Variants in ZNF43 observed in about 807,000 individuals in gnomAD.
ZNF43 encodes zinc finger protein 43.
Under a neutral mutation model 68.4 loss-of-function variants are expected in ZNF43, and 44 were observed. That is an observed-to-expected ratio of 0.64 (90% CI 0.51 to 0.83). The LOEUF (loss-of-function observed/expected upper bound fraction) is 0.83. ZNF43 is among the 40% of genes least tolerant of loss of function. The pLI is 0.00. For missense variants in ZNF43, 896 were observed against 933.2 expected (o/e 0.96, Z 0.52); for synonymous variants, 308 against 307.8 (o/e 1.00, Z -0.01).
chr19:21,835,921 G>A (rs2038700640), intron 1 of ZNF43, 115 bp downstream of exon 1: 3 of 1,562,942 alleles, frequency 1.9e-6, no homozygotes, highest in South Asian at 1.1e-5. Context: ...GAAGGGGATT[G>A]AGGCCGAGCT....
chr19:21,813,768 CTTT>C (rs1555718859), intron 3 of ZNF43, among the ~76,000 whole-genome samples: 2 of 148,736 alleles, frequency 1.3e-5, no homozygotes, highest in Admixed American at 1.4e-4. Context: ...GTGAAAAGTA[CTTT>C]TTTTTTTTTA....
At chr19:21,824,814 C>T (rs1392821627) in intron 1 of ZNF43, among the ~76,000 whole-genome samples, 1 of 151,218 alleles carries the variant, frequency 6.6e-6, no homozygotes, top group East Asian at 1.9e-4. Context: ...TTATTTGGGC[C>T]AAGCTTGAGG....
upstream of ZNF43, among the ~76,000 whole-genome samples, chr19:21,836,362 G>A (rs753176581): frequency 5.3e-5 from 8 of 152,338 alleles, no homozygotes; most frequent in Non-Finnish European, 1.0e-4. Context: ...CTAGGCTGCC[G>A]CCTTTTCAGG....
intron 1 of ZNF43, among the ~76,000 whole-genome samples, chr19:21,824,115 G>A (rs1460647444): frequency 1.3e-5 from 2 of 152,122 alleles, no homozygotes; most frequent in Non-Finnish European, 2.9e-5. Flanking sequence ...GAACCCGGGA[G>A]GCGGAGCTTG....
chr19:21,840,664 GTTGTCAA>G (rs1220128881), upstream of ZNF43: 4 of 152,204 alleles, frequency 2.6e-5, no homozygotes, highest in African/African-American at 9.6e-5. Context: ...CATGTGGAAA[GTTGTCAA>G]TTTTCACTGT....
chr19:21,838,511 T>C (rs905454660), upstream of ZNF43, among the ~76,000 whole-genome samples: 1 of 151,812 alleles, frequency 6.6e-6, no homozygotes, highest in African/African-American at 2.4e-5. Context: ...GCAATTCCCC[T>C]GCCTCAGCCT....
At chr19:21,851,997 CG>C in exon 1 of ZNF43, 10 of 1,504,898 alleles carry the variant, frequency 6.6e-6, no homozygotes, top group Non-Finnish European at 7.1e-6. Context: ...ACAAAGTCAC[CG>C]GGGATTCCCG....
At chr19:21,851,884 T>G in intron 1 of ZNF43, 1 of 1,568,088 alleles carries the variant, frequency 6.4e-7, no homozygotes, top group South Asian at 1.2e-5. Context: ...CCTCTCGGGA[T>G]GCCTAACCCC....
At chr19:21,829,900 C>G (rs1164318735) in intron 1 of ZNF43, among the ~76,000 whole-genome samples, 1 of 152,016 alleles carries the variant, frequency 6.6e-6, no homozygotes, top group African/African-American at 2.4e-5. Flanking sequence ...TCTAAGCTAA[C>G]AGAGGACAAG....
intron 3 of ZNF43, 120 bp from the exon 4 acceptor site, chr19:21,809,927 G>A: frequency 1.1e-6 from 1 of 930,104 alleles, no homozygotes; most frequent in Non-Finnish European, 1.5e-6. Flanking sequence ...AATACCACAG[G>A]CCCTAATTTA....
intron 1 of ZNF43, among the ~76,000 whole-genome samples, chr19:21,832,486 GGA>G: frequency 6.6e-6 from 1 of 152,104 alleles, no homozygotes; most frequent in Non-Finnish European, 1.5e-5. Context: ...ATTTCATGAT[GGA>G]GATACCAAAA....
chr19:21,814,513 G>A (rs1398376969), intron 3 of ZNF43, among the ~76,000 whole-genome samples: 2 of 151,472 alleles, frequency 1.3e-5, no homozygotes, highest in African/African-American at 2.4e-5. Flanking sequence ...GGGTTTGAGC[G>A]ATTCTCCTGC....
In ZNF43 at chr19:21,809,776, C is replaced by G. The variant is rs138529640; in HGVS notation, c.261G>C (p.Trp87Cys). ...VMCSHFTQDF[W>C]PEQHIKDPFQ... Reference sequence around the variant, plus strand: ...AAGGATCTTTTATATGCTGCTCTGGCCAAAAGTCTTGGGTAAAATGAGAAC... The same window carrying G: ...AAGGATCTTTTATATGCTGCTCTGGGCAAAAGTCTTGGGTAAAATGAGAAC... The change falls in exon 4 of 4, where the codon TGG becomes TGC. Residue 87 changes from tryptophan (W) to cysteine (C), a missense_variant. Transcript: ENST00000354959. 1.2e-4 allele frequency: 189 copies of G among 1,573,550 alleles called. No individual in the cohort carries two copies. The highest frequency in any genetic ancestry group is 1.2e-3 in the Middle Eastern group (7 of 5,828).
intron 3 of ZNF43, among the ~76,000 whole-genome samples, chr19:21,816,606 G>A (rs1021630515): frequency 1.3e-5 from 2 of 152,076 alleles, no homozygotes; most frequent in Admixed American, 6.6e-5. Flanking sequence ...GGAAGATACT[G>A]GTTTATAGTG....
chr19:21,841,365 A>AT (rs1448685733), intron 1 of ZNF43: 2 of 152,214 alleles, frequency 1.3e-5, no homozygotes, highest in Non-Finnish European at 2.9e-5. Flanking sequence ...GGAGAGTCAT[A>AT]TTACCTGGTT....
At chr19:21,837,210 A>C (rs1196595877), upstream of ZNF43, among the ~76,000 whole-genome samples, 2 of 152,080 alleles carry the variant, frequency 1.3e-5, no homozygotes, top group African/African-American at 4.8e-5. Flanking sequence ...ATGATATAGT[A>C]TTACTTGAAA....
At chr19:21,841,829 C>T (rs748201333) in intron 1 of ZNF43, among the ~76,000 whole-genome samples, 1 of 152,190 alleles carries the variant, frequency 6.6e-6, no homozygotes, top group Non-Finnish European at 1.5e-5. Context: ...GTCATAATTC[C>T]TCTATTAGCA....
At chr19:21,849,547 T>G (rs932159872) in intron 1 of ZNF43, among the ~76,000 whole-genome samples, 6 of 136,086 alleles carry the variant, frequency 4.4e-5, no homozygotes, top group Admixed American at 3.7e-4. Context: ...TGGTAGCTCA[T>G]GCCTGTAATC....
At chr19:21,815,167 C>T (rs2037460461) in intron 3 of ZNF43, among the ~76,000 whole-genome samples, 1 of 146,288 alleles carries the variant, frequency 6.8e-6, no homozygotes, top group South Asian at 2.2e-4. Context: ...CCAGCCTGGG[C>T]AACGAGAGCA....
Sources: allele counts gnomAD v4.1 joint callset (sites outside exome capture counted in the v4.1 genomes callset), GRCh38; gene constraint gnomAD v4.1.1; transcripts MANE v1.5; gene names NCBI Gene and HGNC (gene_info 2026-07-23, HGNC 2026-07-21).